AFAP1L2: variants seen among roughly 807,000 people sequenced by gnomAD.
The protein encoded by AFAP1L2 is actin filament associated protein 1 like 2.
AFAP1L2 carries 46 observed loss-of-function variants against 99.3 expected under a neutral mutation model. That is an observed-to-expected ratio of 0.46 (90% CI 0.37 to 0.59). AFAP1L2 has a LOEUF of 0.59. AFAP1L2 is among the 20% of genes least tolerant of loss of function. The pLI is 0.00. For missense variants in AFAP1L2, 959 were observed against 1,034.9 expected (o/e 0.93, Z 1.01); for synonymous variants, 397 against 419.1 (o/e 0.95, Z 0.64).
intron 11 of AFAP1L2, 137 bp from the exon 12 acceptor site, chr10:114,302,621 T>A: frequency 9.4e-7 from 1 of 1,065,830 alleles, no homozygotes; most frequent in Non-Finnish European, 1.3e-6. Context: ...GGGCTGTGCT[T>A]CTCCTGTTCA....
At position 114,297,346 on chromosome 10, in the gene AFAP1L2, C is replaced by T. The variant is rs2040410475; in HGVS notation, c.2181G>A (p.Glu727=). 6.2e-7 allele frequency: 1 copy of T among 1,613,768 alleles called. No homozygotes were observed. Among genetic ancestry groups the T allele is most frequent in the Admixed American group, 1.7e-5 (1 of 60,016 alleles). Residue 727 remains glutamate (E), a synonymous_variant, in exon 17 of 19, where the codon GAG becomes GAA. Transcript: ENST00000304129. ...KEIDEECRGE[E]SRRVDLELSI... is the part of the protein sequence containing the mutation. ...TGAGCTCCAGGTCCACGCGCCTGCT[C>T]TCCTCGCCCCGGCACTCCTCGTCAA... is the stretch of plus-strand genomic sequence containing the variant.
chr10:114,305,047 G>T lies in AFAP1L2; in HGVS notation c.1073-117C>A, dbSNP rs1222044183. ...TGCAGGAGGGGGCGGGGCTGCGGGAGGGGAAGCGGATGCGGATGCAAGAGG... is the reference window on the plus strand; with the variant it reads ...TGCAGGAGGGGGCGGGGCTGCGGGATGGGAAGCGGATGCGGATGCAAGAGG... On this transcript the variant is annotated intron_variant, in intron 10 of 18. Coordinates refer to ENST00000304129, the MANE Select transcript of AFAP1L2 (RefSeq NM_001001936.3). 1.1e-4 allele frequency: 83 copies of T among 750,154 alleles called. No homozygotes were observed. The South Asian group carries it at 1.5e-3, about 14-fold the overall frequency. 46.5% of individuals were successfully genotyped at this position (750,154 alleles called of 1,614,324 possible).
chr10:114,346,565 C>A (rs2049610740), intron 1 of AFAP1L2, among the ~76,000 whole-genome samples: 2 of 152,190 alleles, frequency 1.3e-5, no homozygotes, highest in Non-Finnish European at 2.9e-5. Flanking sequence ...GGTGGGCATC[C>A]CTTAGAGGAA....
At chr10:114,288,976 G>A in the AFAP1L2 span, 3 of 1,613,660 alleles carry the variant, frequency 1.9e-6, no homozygotes, top group South Asian at 3.3e-5. Context: ...CTTCATGTTG[G>A]ACACCTCTGC....
intron 1 of AFAP1L2, among the ~76,000 whole-genome samples, chr10:114,348,850 T>G (rs2050002848): frequency 6.6e-6 from 1 of 152,216 alleles, no homozygotes; most frequent in Non-Finnish European, 1.5e-5. Flanking sequence ...GTGAGTCTAA[T>G]GCACAGCCAA....
At chr10:114,305,094 C>A (rs1308195530) in intron 10 of AFAP1L2, 164 bp from the exon 11 acceptor site, 20 of 384,220 alleles carry the variant, frequency 5.2e-5, no homozygotes, top group Non-Finnish European at 8.4e-5. Flanking sequence ...CAGGAGGGGA[C>A]GCAGATGCAG....
At chr10:114,327,166 TA>T (rs1564880310) in intron 4 of AFAP1L2, among the ~76,000 whole-genome samples, 20 of 84,684 alleles carry the variant, frequency 2.4e-4, no homozygotes, top group Admixed American at 5.3e-4. Context: ...TATATATATA[TA>T]TATATATTTT....
intron 1 of AFAP1L2, among the ~76,000 whole-genome samples, chr10:114,390,153 C>A (rs1436934873): frequency 6.6e-6 from 1 of 152,220 alleles, no homozygotes; most frequent in Non-Finnish European, 1.5e-5. Flanking sequence ...CTGTCCTATT[C>A]TGGTTCCTGC....
intron 9 of AFAP1L2, 146 bp downstream of exon 9, chr10:114,308,287 T>C (rs1270733647): frequency 1.5e-6 from 1 of 683,732 alleles, no homozygotes; most frequent in Non-Finnish European, 2.5e-6. Flanking sequence ...AGTCTCCCTT[T>C]TTCCTGGATC....
chr10:114,362,480 C>T (rs1267046196), intron 1 of AFAP1L2, among the ~76,000 whole-genome samples: 7 of 152,198 alleles, frequency 4.6e-5, no homozygotes, highest in Middle Eastern at 6.8e-3. Context: ...AAGGCAGAGA[C>T]GGGAGTGATG....
At chr10:114,313,754 C>T (rs2043641075) in intron 7 of AFAP1L2, 117 bp downstream of exon 7, 2 of 1,062,856 alleles carry the variant, frequency 1.9e-6, no homozygotes, top group South Asian at 1.9e-5. Context: ...ACACAGGAAG[C>T]CCTGCAAACT....
intron 1 of AFAP1L2, among the ~76,000 whole-genome samples, chr10:114,360,509 T>TAGCTAGA (rs61366681): frequency 9.3e-6 from 1 of 107,366 alleles, no homozygotes; most frequent in Non-Finnish European, 2.0e-5. Flanking sequence ...AGATAGATAG[T>TAGCTAGA]TAGATAGATA....
At chr10:114,287,005 G>A in the AFAP1L2 span, among the ~76,000 whole-genome samples, 3 of 152,122 alleles carry the variant, frequency 2.0e-5, no homozygotes, top group South Asian at 6.2e-4. Flanking sequence ...TGAAACAAAC[G>A]CTTCCTGAGA....
intron 16 of AFAP1L2, among the ~76,000 whole-genome samples, chr10:114,298,105 C>T (rs1379879606): frequency 1.3e-5 from 2 of 152,150 alleles, no homozygotes; most frequent in African/African-American, 2.4e-5. Flanking sequence ...AAGCTGGGTG[C>T]GGTGGTTCAC....
chr10:114,319,676 G>A (rs2044799463), intron 5 of AFAP1L2: 1 of 1,276,156 alleles, frequency 7.8e-7, no homozygotes, highest in African/African-American at 1.5e-5. Context: ...CAGACAGAGG[G>A]AAGAGAAGAG....
the AFAP1L2 span, among the ~76,000 whole-genome samples, chr10:114,283,295 CAGCGAGCAGTTAGACACACAGGCAGGGT>C: frequency 2.0e-3 from 283 of 140,206 alleles, 19 homozygotes; most frequent in Middle Eastern, 7.4e-3. Flanking sequence ...GCAGGCAGGG[CAGCGAGCAGTTAGACACACAGGCAGGGT>C]AGCGAGCAGT....
intron 9 of AFAP1L2, among the ~76,000 whole-genome samples, 177 bp downstream of exon 9, chr10:114,308,256 A>G (rs1183021807): frequency 6.6e-6 from 1 of 152,224 alleles, no homozygotes; most frequent in Non-Finnish European, 1.5e-5. Context: ...CATTTCATGA[A>G]GCTTAACTTC....
At chr10:114,327,147 T>TTTTATATATATATATA (rs1364666260) in intron 4 of AFAP1L2, among the ~76,000 whole-genome samples, 3 of 54,572 alleles carry the variant, frequency 5.5e-5, no homozygotes, top group African/African-American at 8.1e-5. Flanking sequence ...TTATATATAT[T>TTTTATATATATATATA]TATATATATA....
At chr10:114,342,561 T>C (rs1480161638) in intron 1 of AFAP1L2, among the ~76,000 whole-genome samples, 1 of 152,194 alleles carries the variant, frequency 6.6e-6, no homozygotes, top group East Asian at 1.9e-4. Flanking sequence ...GTAATCACAG[T>C]GGCTCTTATA....
Sources: allele counts gnomAD v4.1 joint callset (sites outside exome capture counted in the v4.1 genomes callset), GRCh38; gene constraint gnomAD v4.1.1; transcripts MANE v1.5; gene names NCBI Gene and HGNC (gene_info 2026-07-23, HGNC 2026-07-21).